Variants in USP34 observed in about 807,000 individuals in gnomAD.
USP34 encodes ubiquitin carboxyl-terminal hydrolase 34.
USP34 carries 70 observed loss-of-function variants against 460.3 expected under a neutral mutation model. The observed-to-expected ratio is 0.15, with a 90% CI of 0.13 to 0.19. USP34 has a LOEUF of 0.19. Ranked by LOEUF, USP34 falls within the 10% of genes least tolerant of loss-of-function variation. USP34 has a pLI of 1.00. For synonymous variants in USP34, 1,647 were observed against 1,405.3 expected, an observed-to-expected ratio of 1.17 and a Z score of -3.85; for missense variants, 3,985 against 4,236.2, an observed-to-expected ratio of 0.94 and a Z score of 1.65.
At chr2:61,241,494 A>T in intron 53 of USP34, 66 bp downstream of exon 53, 1 of 1,173,438 alleles carries the variant, frequency 8.5e-7, no homozygotes, top group Non-Finnish European at 1.2e-6. Flanking sequence ...TTCTTACACT[A>T]CAGTATTCCT....
At chr2:61,427,118 C>A (rs1321437958) in intron 1 of USP34, among the ~76,000 whole-genome samples, 2 of 152,226 alleles carry the variant, frequency 1.3e-5, no homozygotes, top group East Asian at 1.9e-4. Flanking sequence ...AGCTCTGCCT[C>A]CCAGGTTCAC....
In USP34 at chr2:61,188,654, G is replaced by A. The variant is rs751079309; in HGVS notation, c.10089C>T (p.His3363=). ...KRRRVSSDEE[H]TVDSCISDMK... is the part of the protein sequence containing the mutation. ...TGTCACTGATGCAGCTGTCTACAGT[G>A]TGCTCCTCATCACTGCTAACACGCC... The change falls in exon 80 of 80, where the codon CAC becomes CAT. Residue 3363 remains histidine, a synonymous_variant. Transcript: ENST00000398571. The A allele has an allele frequency of 1.2e-6, 2 of 1,614,042 alleles. No individual in the cohort carries two copies. Among genetic ancestry groups the A allele is most frequent in the African/African-American group, 2.7e-5 (2 of 74,916 alleles).
intron 10 of USP34, among the ~76,000 whole-genome samples, chr2:61,369,778 C>T (rs1044727093): frequency 2.8e-5 from 4 of 142,228 alleles, no homozygotes; most frequent in African/African-American, 1.0e-4. Flanking sequence ...AAAAAAAAGT[C>T]AAAGCCACAT....
chr2:61,223,418 G>C, intron 62 of USP34, 122 bp from the exon 63 acceptor site: 3 of 998,098 alleles, frequency 3.0e-6, no homozygotes, highest in Non-Finnish European at 4.3e-6. Flanking sequence ...ATCATAAAAT[G>C]ATTTTTTGCT....
intron 21 of USP34, among the ~76,000 whole-genome samples, chr2:61,320,212 T>G (rs1327234244): frequency 6.6e-6 from 1 of 152,264 alleles, no homozygotes; most frequent in Admixed American, 6.5e-5. Flanking sequence ...CCAACTCGCT[T>G]ATTCCAGTTC....
chr2:61,284,983 A>G, intron 34 of USP34, 26 bp from the exon 35 acceptor site: 1 of 1,557,726 alleles, frequency 6.4e-7, no homozygotes, highest in Non-Finnish European at 8.8e-7. Flanking sequence ...ATTTTAAAAG[A>G]TATTTAAATA....
intron 27 of USP34, among the ~76,000 whole-genome samples, chr2:61,301,958 G>T (rs1022798578): frequency 5.3e-5 from 8 of 151,786 alleles, no homozygotes; most frequent in African/African-American, 1.9e-4. Context: ...AAAAGAGAGG[G>T]AAGGAAAGGA....
At chr2:61,408,005 C>T (rs985370565) in intron 2 of USP34, among the ~76,000 whole-genome samples, 2 of 152,116 alleles carry the variant, frequency 1.3e-5, no homozygotes, top group African/African-American at 2.4e-5. Context: ...ATCCCAGCTA[C>T]TTGGGATGCT....
chr2:61,435,786 T>C (rs1467638021), intron 1 of USP34, among the ~76,000 whole-genome samples: 1 of 151,980 alleles, frequency 6.6e-6, no homozygotes, highest in Non-Finnish European at 1.5e-5. Flanking sequence ...CCCAGCACTT[T>C]GGGAGGCCAC....
At chr2:61,362,491 G>C (rs1334569050) in intron 10 of USP34, among the ~76,000 whole-genome samples, 2 of 152,118 alleles carry the variant, frequency 1.3e-5, no homozygotes, top group South Asian at 4.1e-4. Context: ...TTAAAAAGGA[G>C]GAAATCCTTC....
intron 70 of USP34, 161 bp from the exon 71 acceptor site, chr2:61,207,047 C>T: frequency 1.5e-6 from 1 of 663,894 alleles, no homozygotes; most frequent in Non-Finnish European, 2.4e-6. Context: ...AAGTTAAACT[C>T]TCATTAAGCT....
chr2:61,367,898 G>C (rs1692487558), intron 10 of USP34, among the ~76,000 whole-genome samples: 1 of 152,074 alleles, frequency 6.6e-6, no homozygotes, highest in African/African-American at 2.4e-5. Context: ...AAATTCGTAT[G>C]AAGAAATAAA....
intron 8 of USP34, among the ~76,000 whole-genome samples, chr2:61,376,113 T>C (rs1467743738): frequency 6.6e-6 from 1 of 152,086 alleles, no homozygotes; most frequent in East Asian, 1.9e-4. Context: ...GGAAATGTTC[T>C]AGAATTGGAC....
chr2:61,328,757 C>G (rs1691173726), intron 20 of USP34, among the ~76,000 whole-genome samples: 1 of 152,194 alleles, frequency 6.6e-6, no homozygotes, highest in Non-Finnish European at 1.5e-5. Flanking sequence ...ATGCAGTGAA[C>G]AACTAAGTCT....
intron 3 of USP34, among the ~76,000 whole-genome samples, chr2:61,404,612 T>C (rs1056888878): frequency 1.3e-5 from 2 of 151,902 alleles, no homozygotes; most frequent in Non-Finnish European, 2.9e-5. Flanking sequence ...GTGGAGAAAA[T>C]ACAAGGAGCC....
chr2:61,396,401 T>C (rs527366906), intron 3 of USP34, among the ~76,000 whole-genome samples: 6 of 152,308 alleles, frequency 3.9e-5, no homozygotes, highest in Admixed American at 2.0e-4. Flanking sequence ...CTGGAAAATA[T>C]ACGCATAACG....
Position 61,380,501 on chromosome 2 carries a change from C to T in USP34, c.822-140G>A, listed in dbSNP as rs1479477891. 3 of 787,278 alleles carry T rather than the reference C, an allele frequency of 3.8e-6. No homozygotes were observed. In the African/African-American group the frequency reaches 5.2e-5, roughly 14 times the overall value. 48.8% of individuals were successfully genotyped at this position (787,278 alleles called of 1,614,324 possible). On this transcript the variant is annotated intron_variant, in intron 6 of 79. Transcript: ENST00000398571. ...CAAACCTCTGGTTTTCCTCTCAGGC[C>T]CTGCCTAATCTCTTTGGCAGATTCC...
chr2:61,429,908 G>A (rs1182623948), intron 1 of USP34, among the ~76,000 whole-genome samples: 1 of 151,246 alleles, frequency 6.6e-6, no homozygotes, highest in South Asian at 2.1e-4. Context: ...CTAAAATTTT[G>A]TATTTGTAAA....
chr2:61,335,617 C>T (rs1177216058), intron 18 of USP34, among the ~76,000 whole-genome samples: 1 of 152,116 alleles, frequency 6.6e-6, no homozygotes, highest in Non-Finnish European at 1.5e-5. Context: ...CCCATGATGG[C>T]ACATGCCTGT....
Sources: gnomAD v4.1 joint callset for allele counts (sites outside exome capture counted in the v4.1 genomes callset) on GRCh38, gnomAD v4.1.1 for gene constraint, MANE v1.5 for transcripts, NCBI Gene and HGNC (gene_info 2026-07-23, HGNC 2026-07-21) for gene names.